ESRRG: variants seen among roughly 807,000 people sequenced by gnomAD.
ESRRG encodes estrogen-related receptor gamma.
In ESRRG, 13 loss-of-function variants were observed where a neutral mutation model predicts 44.0. That is an observed-to-expected ratio of 0.30 (90% CI 0.19 to 0.47). ESRRG has a LOEUF of 0.47. Ranked by LOEUF, ESRRG falls within the 20% of genes least tolerant of loss-of-function variation. The probability of loss-of-function intolerance (pLI) is 1.00; values close to 1 mark genes in which losing one functional copy is unlikely to be tolerated. For missense variants in ESRRG, 395 were observed against 580.6 expected (o/e 0.68, Z 3.29); for synonymous variants, 215 against 214.6 (o/e 1.00, Z -0.02).
intron 2 of ESRRG, chr1:216,865,016 C>T (rs1056974856): frequency 1.3e-5 from 2 of 151,796 alleles, no homozygotes; most frequent in African/African-American, 4.8e-5. Flanking sequence ...GCCTTTATTC[C>T]TCTGACAGAA....
intron 1 of ESRRG, among the ~76,000 whole-genome samples, chr1:217,105,649 C>T (rs2092583058): frequency 6.6e-6 from 1 of 152,304 alleles, no homozygotes; most frequent in East Asian, 1.9e-4. Flanking sequence ...CTGATGCTGA[C>T]TCCTGTAGGA....
At chr1:216,635,738 A>C (rs1204424623) in intron 3 of ESRRG, among the ~76,000 whole-genome samples, 1 of 152,174 alleles carries the variant, frequency 6.6e-6, no homozygotes, top group South Asian at 2.1e-4. Context: ...GTCTTGGGCC[A>C]GAGTCACACA....
At chr1:216,542,151 A>T (rs1238071501) in intron 5 of ESRRG, among the ~76,000 whole-genome samples, 7 of 150,914 alleles carry the variant, frequency 4.6e-5, no homozygotes, top group Non-Finnish European at 8.9e-5. Flanking sequence ...CTTGTTGATC[A>T]GTTCCTATCC....
At position 216,519,243 on chromosome 1, in the gene ESRRG, A is replaced by G. The variant is rs767197488; in HGVS notation, c.1041T>C (p.Asn347=). 11 of 1,613,724 alleles carry G rather than the reference A, an allele frequency of 6.8e-6. No homozygotes were observed. The highest frequency in any genetic ancestry group is 2.2e-5 in the South Asian group (2 of 91,076). ...SKLAGLLDLN[N]AILQLVKKYK... is the part of the protein sequence containing the mutation. Reference sequence around the variant, plus strand: ...ATTTCTTTACCAGCTGCAGGATAGCATTATTTAGATCAAGAAGGCCTGCTA... The same window carrying G: ...ATTTCTTTACCAGCTGCAGGATAGCGTTATTTAGATCAAGAAGGCCTGCTA... Residue 347 remains asparagine (N), a synonymous_variant, in exon 6 of 7, where the codon AAT becomes AAC. Transcript: ENST00000408911.
At chr1:216,641,251 G>A (rs140317581) in intron 3 of ESRRG, among the ~76,000 whole-genome samples, 194 of 152,262 alleles carry the variant, frequency 1.3e-3, no homozygotes, top group Non-Finnish European at 2.2e-3. Context: ...CAACTGTTTA[G>A]TTCACATCAA....
intron 1 of ESRRG, among the ~76,000 whole-genome samples, chr1:216,688,696 G>A (rs2078491014): frequency 6.6e-6 from 1 of 151,740 alleles, no homozygotes; most frequent in African/African-American, 2.4e-5. Context: ...TTCATATTTG[G>A]GGTAAAAAAA....
At chr1:216,747,422 C>T (rs1200131806) in intron 2 of ESRRG, among the ~76,000 whole-genome samples, 3 of 152,104 alleles carry the variant, frequency 2.0e-5, no homozygotes, top group African/African-American at 7.2e-5. Flanking sequence ...GGCTCTGTTC[C>T]TCTGCACAGG....
chr1:216,849,982 T>C (rs568089067), intron 2 of ESRRG, among the ~76,000 whole-genome samples: 2 of 152,142 alleles, frequency 1.3e-5, no homozygotes, highest in Non-Finnish European at 2.9e-5. Flanking sequence ...TAATTGCACT[T>C]TAAAATTTTC....
intron 1 of ESRRG, among the ~76,000 whole-genome samples, chr1:216,685,849 C>A (rs1269326994): frequency 6.6e-6 from 1 of 152,156 alleles, no homozygotes; most frequent in East Asian, 1.9e-4. Flanking sequence ...GACCAATAAA[C>A]CAGCTGCTTC....
At chr1:216,748,204 T>C (rs1465739463) in intron 2 of ESRRG, among the ~76,000 whole-genome samples, 1 of 152,152 alleles carries the variant, frequency 6.6e-6, no homozygotes, top group Non-Finnish European at 1.5e-5. Flanking sequence ...CCACACTTGC[T>C]CAGAACAGGT....
intron 2 of ESRRG, among the ~76,000 whole-genome samples, chr1:216,814,412 G>A (rs1366675707): frequency 6.6e-6 from 1 of 152,118 alleles, no homozygotes; most frequent in Middle Eastern, 3.2e-3. Context: ...TCAAATAACT[G>A]GTGAACTCAA....
chr1:216,593,040 T>A (rs11572739), intron 3 of ESRRG, among the ~76,000 whole-genome samples: 3,742 of 152,302 alleles, frequency 0.025, 70 homozygotes, highest in Non-Finnish European at 0.041. Context: ...ACAGCTGTCT[T>A]CCCTACATAC....
chr1:216,516,499 T>G (rs1412032265), intron 6 of ESRRG, among the ~76,000 whole-genome samples: 4 of 152,022 alleles, frequency 2.6e-5, no homozygotes, highest in African/African-American at 9.7e-5. Context: ...AAAATTTAAG[T>G]AAATGAGTCA....
chr1:217,127,236 T>C (rs1272872658), intron 1 of ESRRG, among the ~76,000 whole-genome samples: 1 of 152,232 alleles, frequency 6.6e-6, no homozygotes, highest in Non-Finnish European at 1.5e-5. Flanking sequence ...TGCCACAATG[T>C]TCATTTTCTA....
intron 2 of ESRRG, among the ~76,000 whole-genome samples, chr1:216,670,658 T>C (rs2074989430): frequency 6.6e-6 from 1 of 152,162 alleles, no homozygotes; most frequent in Non-Finnish European, 1.5e-5. Context: ...CTTGGGTCTG[T>C]TCTCTGGAAG....
intron 1 of ESRRG, among the ~76,000 whole-genome samples, chr1:216,973,205 A>G (rs1468825750): frequency 6.6e-6 from 1 of 152,164 alleles, no homozygotes; most frequent in Non-Finnish European, 1.5e-5. Context: ...AAAATCCTAT[A>G]AATGGTTTTA....
intron 1 of ESRRG, among the ~76,000 whole-genome samples, chr1:217,034,603 A>C (rs1354518296): frequency 6.6e-6 from 1 of 152,222 alleles, no homozygotes; most frequent in African/African-American, 2.4e-5. Context: ...CACTAGGGCA[A>C]TCACTGCTTC....
intron 3 of ESRRG, among the ~76,000 whole-genome samples, chr1:216,642,260 T>C (rs1321208400): frequency 6.6e-6 from 1 of 152,126 alleles, no homozygotes; most frequent in African/African-American, 2.4e-5. Flanking sequence ...GAGGTCATTA[T>C]AAAGATTAAC....
At chr1:216,811,797 T>A (rs2094978876) in intron 2 of ESRRG, among the ~76,000 whole-genome samples, 1 of 152,204 alleles carries the variant, frequency 6.6e-6, no homozygotes, top group African/African-American at 2.4e-5. Flanking sequence ...TACAGGTGTT[T>A]AATACAGATA....
Sources: gnomAD v4.1 joint callset for allele counts (sites outside exome capture counted in the v4.1 genomes callset) on GRCh38, gnomAD v4.1.1 for gene constraint, MANE v1.5 for transcripts, NCBI Gene and HGNC (gene_info 2026-07-23, HGNC 2026-07-21) for gene names.